Variants in SPECC1L observed in about 807,000 individuals in gnomAD.
SPECC1L encodes sperm antigen with calponin homology and coiled-coil domains 1 like, also known as cytospin-A.
A neutral mutation model predicts 116.8 loss-of-function variants in SPECC1L; 40 were observed. That is an observed-to-expected ratio of 0.34 (90% CI 0.27 to 0.45). The LOEUF is 0.45. Among genes scored for constraint, SPECC1L ranks in the 20% least tolerant of loss-of-function variants. The probability of loss-of-function intolerance (pLI) is 1.00; values close to 1 mark genes in which losing one functional copy is unlikely to be tolerated. For synonymous variants in SPECC1L, 504 were observed against 500.6 expected, an observed-to-expected ratio of 1.01 and a Z score of -0.09; for missense variants, 1,110 against 1,373.6, an observed-to-expected ratio of 0.81 and a Z score of 3.03.
At chr22:24,346,159 A>G (rs1011349445) in intron 10 of SPECC1L, among the ~76,000 whole-genome samples, 1 of 151,984 alleles carries the variant, frequency 6.6e-6, no homozygotes, top group Non-Finnish European at 1.5e-5. Context: ...GGCGCCTGCC[A>G]CCACGCCCAG....
intron 10 of SPECC1L, among the ~76,000 whole-genome samples, chr22:24,339,814 C>T (rs2041135569): frequency 6.6e-6 from 1 of 152,164 alleles, no homozygotes; most frequent in Non-Finnish European, 1.5e-5. Context: ...ACGGGGTCTC[C>T]CTCTGTCACC....
At chr22:24,399,510 T>A (rs2042429931) in intron 14 of SPECC1L, among the ~76,000 whole-genome samples, 1 of 151,870 alleles carries the variant, frequency 6.6e-6, no homozygotes, top group Admixed American at 6.6e-5. Context: ...GCGGAGCTTG[T>A]GGTGAGCTGA....
intron 11 of SPECC1L, among the ~76,000 whole-genome samples, chr22:24,360,148 A>AT (rs2041614944): frequency 6.6e-6 from 1 of 152,250 alleles, no homozygotes. Flanking sequence ...TGTAAACATA[A>AT]TATCTCCTGC....
intron 5 of SPECC1L, chr22:24,323,240 C>A: frequency 3.1e-6 from 1 of 321,126 alleles, no homozygotes; most frequent in Non-Finnish European, 4.5e-6. Context: ...TTACCTCCCC[C>A]CGCCTCATCT....
chr22:24,412,019 G>A (rs1326698446), intron 15 of SPECC1L: 5 of 438,138 alleles, frequency 1.1e-5, no homozygotes, highest in Admixed American at 6.9e-5. Flanking sequence ...GTGAAGGCAG[G>A]AGTAGTCAGG....
intron 10 of SPECC1L, chr22:24,343,450 G>T: frequency 7.4e-6 from 3 of 402,770 alleles, no homozygotes; most frequent in East Asian, 7.8e-5. Flanking sequence ...AAATGGTTGT[G>T]TTTTTTTTTT....
intron 14 of SPECC1L, among the ~76,000 whole-genome samples, chr22:24,382,731 A>C (rs2042085817): frequency 1.4e-5 from 2 of 144,924 alleles, no homozygotes; most frequent in South Asian, 4.4e-4. Flanking sequence ...AAAAAAGAGT[A>C]ATGAACTCAG....
At chr22:24,305,654 A>G (rs2049479071) in intron 3 of SPECC1L, among the ~76,000 whole-genome samples, 2 of 152,138 alleles carry the variant, frequency 1.3e-5, no homozygotes, top group Non-Finnish European at 2.9e-5. Flanking sequence ...GTGTGTATTA[A>G]TACACATGTG....
chr22:24,396,833 T>C (rs2042378343), intron 14 of SPECC1L, among the ~76,000 whole-genome samples: 2 of 152,180 alleles, frequency 1.3e-5, no homozygotes, highest in Non-Finnish European at 2.9e-5. Flanking sequence ...CTACTGTGTT[T>C]TAATACCAAG....
chr22:24,350,490 A>G (rs965429023), intron 11 of SPECC1L, among the ~76,000 whole-genome samples: 2 of 152,092 alleles, frequency 1.3e-5, no homozygotes, highest in South Asian at 2.1e-4. Context: ...TTGCTGTTCA[A>G]TTTTATTACT....
intron 14 of SPECC1L, among the ~76,000 whole-genome samples, chr22:24,384,239 G>A (rs1210990753): frequency 6.6e-6 from 1 of 152,100 alleles, no homozygotes; most frequent in Non-Finnish European, 1.5e-5. Context: ...ATATTTAATT[G>A]CTAGAGAAAA....
At chr22:24,399,030 A>C (rs1033165437) in intron 14 of SPECC1L, among the ~76,000 whole-genome samples, 3 of 152,250 alleles carry the variant, frequency 2.0e-5, no homozygotes, top group Non-Finnish European at 4.4e-5. Context: ...AAAACTGCTC[A>C]CAACATGCTC....
At chr22:24,272,411 G>GC (rs1480392418) in intron 1 of SPECC1L, among the ~76,000 whole-genome samples, 1 of 151,674 alleles carries the variant, frequency 6.6e-6, no homozygotes, top group East Asian at 2.0e-4. Flanking sequence ...CCTGGCTCAC[G>GC]CCTGTAATCA....
intron 12 of SPECC1L, among the ~76,000 whole-genome samples, chr22:24,365,206 C>A (rs894483670): frequency 6.6e-6 from 1 of 152,158 alleles, no homozygotes; most frequent in Admixed American, 6.5e-5. Context: ...CAGGATTTCA[C>A]CATGTTGGCC....
intron 6 of SPECC1L, 92 bp downstream of exon 6, chr22:24,324,519 G>A (rs901127816): frequency 3.5e-5 from 41 of 1,164,908 alleles, no homozygotes; most frequent in Middle Eastern, 2.7e-4. Context: ...GGCTGGGCAC[G>A]GTGGCTCATG....
intron 9 of SPECC1L, among the ~76,000 whole-genome samples, chr22:24,335,414 A>C (rs1460254582): frequency 6.6e-6 from 1 of 152,218 alleles, no homozygotes; most frequent in Non-Finnish European, 1.5e-5. Context: ...AGTCCTACAC[A>C]GCACTTCAGG....
At chr22:24,391,820 T>C (rs1474177879) in intron 14 of SPECC1L, among the ~76,000 whole-genome samples, 1 of 152,240 alleles carries the variant, frequency 6.6e-6, no homozygotes, top group African/African-American at 2.4e-5. Flanking sequence ...TTGTTCCTTT[T>C]TCTTGCATTC....
chr22:24,344,746 A>C (rs1234113464), intron 10 of SPECC1L, among the ~76,000 whole-genome samples: 1 of 152,228 alleles, frequency 6.6e-6, no homozygotes, highest in Non-Finnish European at 1.5e-5. Flanking sequence ...GGTTTACACG[A>C]GGTCCTATAC....
chr22:24,334,560 C>T lies in SPECC1L; in HGVS notation c.2547C>T (p.Asp849=), dbSNP rs767655418. The T allele has an allele frequency of 1.9e-6, 3 of 1,614,160 alleles. No homozygotes were observed. The South Asian group carries it at 3.3e-5, about 18-fold the overall frequency. ...PTVKTLIKSF[D]SASQVPNPAA... ...TAAAAACCCTCATCAAGTCCTTTGACAGTGCATCTCAAGGTAATTAATTTC... is the reference window on the plus strand; with the variant it reads ...TAAAAACCCTCATCAAGTCCTTTGATAGTGCATCTCAAGGTAATTAATTTC... Residue 849 remains aspartate, a synonymous_variant, in exon 9 of 17, where the codon GAC becomes GAT. Coordinates refer to ENST00000314328, the MANE Select transcript of SPECC1L (RefSeq NM_015330.6).
Sources: gnomAD v4.1 joint callset for allele counts (sites outside exome capture counted in the v4.1 genomes callset) on GRCh38, gnomAD v4.1.1 for gene constraint, MANE v1.5 for transcripts, NCBI Gene and HGNC (gene_info 2026-07-23, HGNC 2026-07-21) for gene names.